Variants in TTC39B observed in about 807,000 individuals in gnomAD.
The protein encoded by TTC39B is tetratricopeptide repeat domain 39B.
Under a neutral mutation model 96.6 loss-of-function variants are expected in TTC39B, and 92 were observed. That is an observed-to-expected ratio of 0.95 (90% CI 0.80 to 1.13). The LOEUF is 1.13. TTC39B is among the 50% of genes most tolerant of loss of function. The pLI is 0.00. For missense variants in TTC39B, 955 were observed against 809.3 expected (o/e 1.18, Z -2.18); for synonymous variants, 367 against 299.4 (o/e 1.23, Z -2.33).
intron 7 of TTC39B, among the ~76,000 whole-genome samples, chr9:15,200,175 G>A (rs1031151159): frequency 6.6e-6 from 1 of 152,126 alleles, no homozygotes; most frequent in Non-Finnish European, 1.5e-5. Flanking sequence ...ATATTACTAA[G>A]GAGGTAATCC....
intron 2 of TTC39B, among the ~76,000 whole-genome samples, chr9:15,243,484 G>C (rs1822136681): frequency 6.6e-6 from 1 of 152,142 alleles, no homozygotes; most frequent in South Asian, 2.1e-4. Context: ...GGCTCCACTG[G>C]TCATCGCCCC....
intron 3 of TTC39B, among the ~76,000 whole-genome samples, chr9:15,221,672 G>A (rs554581564): frequency 3.3e-5 from 5 of 152,226 alleles, no homozygotes; most frequent in African/African-American, 7.2e-5. Context: ...CCTGTGTGCC[G>A]CAGTGCTTCA....
chr9:15,214,346 GTC>G (rs879581983), intron 3 of TTC39B, 97 bp from the exon 4 acceptor site: 7,433 of 667,600 alleles, frequency 0.011, 89 homozygotes, highest in African/African-American at 0.051. Flanking sequence ...GTGTGTGTGT[GTC>G]TGTGTGTGTG....
intron 1 of TTC39B, among the ~76,000 whole-genome samples, chr9:15,275,063 T>A (rs922514294): frequency 2.0e-5 from 3 of 151,800 alleles, no homozygotes; most frequent in African/African-American, 7.3e-5. Flanking sequence ...TTTCCTGAGA[T>A]GGAGTTTCAC....
chr9:15,207,043 T>C (rs1395553430), intron 6 of TTC39B, among the ~76,000 whole-genome samples: 1 of 152,214 alleles, frequency 6.6e-6, no homozygotes, highest in Admixed American at 6.5e-5. Context: ...GCACTTCTCC[T>C]TCCTGCCACC....
exon 20 of TTC39B, chr9:15,171,479 A>C (rs969063969): frequency 6.6e-6 from 1 of 152,246 alleles, no homozygotes; most frequent in African/African-American, 2.4e-5. Flanking sequence ...AGGTCTCTTC[A>C]ACCCATGAAG....
In TTC39B at chr9:15,189,642, C is replaced by A; in HGVS notation, c.1174-9G>T. The A allele has an allele frequency of 6.2e-7, 1 of 1,614,108 alleles. No homozygotes were observed. Among genetic ancestry groups the A allele is most frequent in the South Asian group, 1.1e-5 (1 of 91,082 alleles). ...AACAACACGAGTGAGCCCTGCAGAG[C>A]AAGGAAGAAAACACACTGTTCAACA... On this transcript the variant is annotated splice_polypyrimidine_tract_variant and intron_variant, in intron 12 of 19. Coordinates refer to ENST00000512701, the Ensembl canonical transcript of TTC39B.
At chr9:15,290,311 A>C (rs1184940421) in intron 1 of TTC39B, among the ~76,000 whole-genome samples, 1 of 152,146 alleles carries the variant, frequency 6.6e-6, no homozygotes, top group African/African-American at 2.4e-5. Context: ...GCCAAAGAGA[A>C]AATTTAAGCT....
At chr9:15,288,836 C>T (rs970479448) in intron 1 of TTC39B, among the ~76,000 whole-genome samples, 1 of 152,252 alleles carries the variant, frequency 6.6e-6, no homozygotes, top group African/African-American at 2.4e-5. Context: ...TGCACCTGCC[C>T]ATCTTTGTGC....
At chr9:15,250,456 T>C (rs902909706) in intron 2 of TTC39B, among the ~76,000 whole-genome samples, 1 of 151,856 alleles carries the variant, frequency 6.6e-6, no homozygotes, top group East Asian at 1.9e-4. Context: ...AGGAAAAATG[T>C]AGGCTGTTAT....
intron 9 of TTC39B, among the ~76,000 whole-genome samples, chr9:15,191,847 G>C (rs1382013996): frequency 6.6e-6 from 1 of 152,216 alleles, no homozygotes; most frequent in African/African-American, 2.4e-5. Context: ...GAAGGATCAT[G>C]ATTGGAAAAT....
intron 1 of TTC39B, among the ~76,000 whole-genome samples, chr9:15,297,953 T>C (rs528915756): frequency 6.6e-6 from 1 of 152,268 alleles, no homozygotes; most frequent in Admixed American, 6.5e-5. Flanking sequence ...TATGGGTATG[T>C]CTGGGAGAGT....
chr9:15,170,919 A>G (rs972642081), exon 20 of TTC39B: 4 of 152,250 alleles, frequency 2.6e-5, no homozygotes, highest in African/African-American at 9.6e-5. Flanking sequence ...TATAAAACTG[A>G]AAAAGACCTT....
intron 3 of TTC39B, among the ~76,000 whole-genome samples, chr9:15,218,635 A>AAAAAAAT (rs374054306): frequency 6.7e-6 from 1 of 149,448 alleles, no homozygotes; most frequent in African/African-American, 2.5e-5. Flanking sequence ...GTCTATTTTA[A>AAAAAAAT]ATATATATAT....
intron 1 of TTC39B, among the ~76,000 whole-genome samples, chr9:15,291,400 G>A (rs990594560): frequency 1.3e-5 from 2 of 152,296 alleles, no homozygotes; most frequent in African/African-American, 4.8e-5. Context: ...CACGTGAGAC[G>A]TGACTTGCTC....
At chr9:15,233,885 G>C (rs1378348290) in intron 2 of TTC39B, among the ~76,000 whole-genome samples, 12 of 150,870 alleles carry the variant, frequency 8.0e-5, no homozygotes, top group South Asian at 2.1e-4. Context: ...GTCTCTGCCT[G>C]GCTGCCATCC....
intron 16 of TTC39B, chr9:15,183,201 C>T (rs1290298565): frequency 1.4e-5 from 4 of 294,380 alleles, no homozygotes; most frequent in East Asian, 1.1e-4. Flanking sequence ...GAAATGAGGA[C>T]GACACACTCA....
At chr9:15,225,833 CTATGCAAATATCAG>C in intron 3 of TTC39B, 70 bp downstream of exon 3, 1 of 1,275,330 alleles carries the variant, frequency 7.8e-7, no homozygotes. Flanking sequence ...ACGCAATGCA[CTATGCAAATATCAG>C]TATTATATTC....
Position 15,214,124 on chromosome 9 carries a change from G to A in TTC39B, c.482+15C>T. ...TCTGAAAGATATTTTATCTAAAAGA[G>A]ACAAAGTAAATTACCAGGGGCGAAG... On this transcript the variant is annotated intron_variant, in intron 4 of 19. Coordinates refer to ENST00000512701, the Ensembl canonical transcript of TTC39B. The A allele has an allele frequency of 1.9e-6, 3 of 1,575,844 alleles. No individual in the cohort carries two copies. Among genetic ancestry groups the A allele is most frequent in the Middle Eastern group, 1.7e-4 (1 of 6,002 alleles).
Sources: allele counts gnomAD v4.1 joint callset (sites outside exome capture counted in the v4.1 genomes callset), GRCh38; gene constraint gnomAD v4.1.1; transcripts MANE v1.5; gene names NCBI Gene and HGNC (gene_info 2026-07-23, HGNC 2026-07-21).